LGALS9B: variants seen among roughly 807,000 people sequenced by gnomAD.
LGALS9B encodes galectin 9B.
A neutral mutation model predicts 35.9 loss-of-function variants in LGALS9B; 8 were observed. That is an observed-to-expected ratio of 0.22 (90% CI 0.13 to 0.40). LGALS9B has a LOEUF of 0.40. Ranked by LOEUF, LGALS9B falls within the 10% of genes least tolerant of loss-of-function variation. The probability of loss-of-function intolerance (pLI) is 1.00; values close to 1 mark genes in which losing one functional copy is unlikely to be tolerated. For missense variants in LGALS9B, 101 were observed against 397.9 expected (o/e 0.25, Z 6.35); for synonymous variants, 42 against 148.6 (o/e 0.28, Z 5.22).
intron 1 of LGALS9B, among the ~76,000 whole-genome samples, chr17:20,464,775 G>A (rs1346005758): frequency 6.6e-6 from 1 of 151,754 alleles, no homozygotes; most frequent in Non-Finnish European, 1.5e-5. Flanking sequence ...CAAGTCACTT[G>A]ACCTGCCTGT....
At position 20,461,144 on chromosome 17, in the gene LGALS9B, G is replaced by A. The variant is rs575077557; in HGVS notation, c.40-701C>T. Among the ~76,000 whole-genome samples the A allele has an allele frequency of 2.0e-5, 3 of 150,022 alleles. No individual in the cohort carries two copies. In the East Asian group the frequency reaches 5.9e-4, roughly 30 times the overall value. On this transcript the variant is annotated intron_variant, in intron 1 of 10. Transcript: ENST00000423676. The stretch of plus-strand genomic sequence containing the variant: ...CACTTTGTCAAATTCTCTCTTCCGC[G>A]CCTCTTTAAAGGAGCTATGGGCCAT...
chr17:20,467,057 A>C (rs1314091118), intron 1 of LGALS9B, among the ~76,000 whole-genome samples: 166 of 142,394 alleles, frequency 1.2e-3, no homozygotes, highest in Middle Eastern at 7.2e-3. Flanking sequence ...GGACCCAGGG[A>C]GGCCAACTCC....
At chr17:20,456,216 G>T (rs1264180351) in intron 4 of LGALS9B, among the ~76,000 whole-genome samples, 1 of 151,672 alleles carries the variant, frequency 6.6e-6, no homozygotes, top group Non-Finnish European at 1.5e-5. Flanking sequence ...GCTTGTCTAA[G>T]ATCCCACAGA....
intron 1 of LGALS9B, among the ~76,000 whole-genome samples, chr17:20,461,142 G>A (rs901637817): frequency 4.0e-5 from 6 of 149,664 alleles, no homozygotes; most frequent in South Asian, 2.2e-4. Flanking sequence ...TCTCTCTTCC[G>A]CGCCTCTTTA....
At chr17:20,465,978 T>A (rs112243000) in intron 1 of LGALS9B, among the ~76,000 whole-genome samples, 16,890 of 146,834 alleles carry the variant, frequency 0.12, 940 homozygotes, top group Admixed American at 0.14. Context: ...GCTTTAACTC[T>A]CTCAAACTCT....
intron 5 of LGALS9B, among the ~76,000 whole-genome samples, chr17:20,454,524 G>A (rs1355692603): frequency 3.3e-5 from 5 of 151,564 alleles, no homozygotes; most frequent in Non-Finnish European, 7.4e-5. Flanking sequence ...GGGCCTCATG[G>A]GCATAGGGAG....
Position 20,458,281 on chromosome 17 carries a change from T to C in LGALS9B, c.235A>G (p.Lys79Glu). ...CTCTCCTCGGGCCCCCATCTTCCTT[T>C]CTGCCTCGTGTTGCACACCACATAC... Reference protein sequence around the residue: ...GGYVVCNTRQKGRWGPEERKM... With the variant: ...GGYVVCNTRQEGRWGPEERKM... The change falls in exon 3 of 11, where the codon AAA becomes GAA. Residue 79 changes from lysine (K) to glutamate (E), a missense_variant. Lys to Glu is a moderately conservative substitution (Grantham distance 56). Coordinates refer to ENST00000423676, the MANE Select transcript of LGALS9B (RefSeq NM_001367292.2). 1 of 1,614,006 alleles carries C rather than the reference T, an allele frequency of 6.2e-7. No individual in the cohort carries two copies. Among genetic ancestry groups the C allele is most frequent in the African/African-American group, 1.3e-5 (1 of 74,990 alleles).
intron 1 of LGALS9B, among the ~76,000 whole-genome samples, 181 bp downstream of exon 1, chr17:20,467,251 G>C (rs1226169702): frequency 6.8e-6 from 1 of 146,408 alleles, no homozygotes; most frequent in Non-Finnish European, 1.5e-5. Context: ...CTCCAGGCAT[G>C]AGTGAGCTCA....
intron 1 of LGALS9B, among the ~76,000 whole-genome samples, chr17:20,467,105 C>T (rs992775975): frequency 7.0e-6 from 1 of 143,880 alleles, no homozygotes; most frequent in African/African-American, 2.7e-5. Context: ...GGGTAGCATC[C>T]TTACTGTCCC....
At chr17:20,450,887 G>A (rs1229126418) in intron 10 of LGALS9B, among the ~76,000 whole-genome samples, 5 of 152,116 alleles carry the variant, frequency 3.3e-5, no homozygotes, top group East Asian at 1.9e-4. Flanking sequence ...TAGTCAGGGC[G>A]GAGCACGCCT....
At chr17:20,461,791 A>AT (rs1171321148) in intron 1 of LGALS9B, among the ~76,000 whole-genome samples, 1,744 of 55,890 alleles carry the variant, frequency 0.031, 218 homozygotes, top group Middle Eastern at 0.048. Context: ...AGAAACCTGA[A>AT]TTTTTTTTTT....
At position 20,454,115 on chromosome 17, in the gene LGALS9B, GTC is replaced by G. The variant is rs1450752525; in HGVS notation, c.541-510_541-509del. ...CAAATCCAAAATGGCAGCCAATTCTGTCTGACTGCATCCAGCACACTTTCTGT... is the reference window on the plus strand; with the variant it reads ...CAAATCCAAAATGGCAGCCAATTCTGTGACTGCATCCAGCACACTTTCTGT... On this transcript the variant is annotated intron_variant, in intron 5 of 10. Transcript: ENST00000423676. Among the ~76,000 whole-genome samples, 2 of 128,648 alleles carry G rather than the reference GTC, an allele frequency of 1.6e-5. 1 individual carries two copies. The highest frequency in any genetic ancestry group is 3.7e-5 in the Non-Finnish European group (2 of 54,176). The allele number at this position is 128,648 out of a possible 152,430, so 84.4% of individuals were successfully genotyped here.
In LGALS9B at chr17:20,449,895, G is replaced by C. The variant is rs1490907872; in HGVS notation, c.*78C>G. 2 of 969,730 alleles carry C rather than the reference G, an allele frequency of 2.1e-6. 1 individual carries two copies. Among genetic ancestry groups the C allele is most frequent in the Non-Finnish European group, 3.1e-6 (2 of 654,412 alleles). The allele number at this position is 969,730 out of a possible 1,614,324, so 60.1% of individuals were successfully genotyped here. Reference sequence around the variant, plus strand: ...GATCCCAGGCACGGTTGGAAAGGCTGGGCCTGGGAAGTGGGGATGATGAGA... The same window carrying C: ...GATCCCAGGCACGGTTGGAAAGGCTCGGCCTGGGAAGTGGGGATGATGAGA... On this transcript the variant is annotated 3_prime_UTR_variant, in exon 11 of 11. Transcript: ENST00000423676.
intron 1 of LGALS9B, among the ~76,000 whole-genome samples, chr17:20,466,862 C>T (rs540554327): frequency 6.9e-6 from 1 of 145,162 alleles, no homozygotes; most frequent in African/African-American, 2.8e-5. Flanking sequence ...TCCCTGCTGC[C>T]CCCAGACTCC....
chr17:20,449,418 ATTTC>A lies in LGALS9B; in HGVS notation c.*551_*554del, dbSNP rs1170282705. Reference sequence around the variant, plus strand: ...CATGAATGTGCCAACAAGCATTTTCATTTCTTTATTTTAAGGACACTGGGAAAGG... The same window carrying A: ...CATGAATGTGCCAACAAGCATTTTCATTTATTTTAAGGACACTGGGAAAGG... On this transcript the variant is annotated 3_prime_UTR_variant, in exon 11 of 11. Coordinates refer to ENST00000423676, the MANE Select transcript of LGALS9B (RefSeq NM_001367292.2). 6.6e-6 allele frequency: 1 copy of A among 151,622 alleles called. No individual in the cohort carries two copies. Among genetic ancestry groups the A allele is most frequent in the East Asian group, 1.9e-4 (1 of 5,148 alleles). The allele number at this position is 151,622 out of a possible 1,614,324, so 9.4% of individuals were successfully genotyped here.
intron 2 of LGALS9B, 118 bp from the exon 3 acceptor site, chr17:20,458,502 G>A: frequency 1.4e-6 from 2 of 1,473,614 alleles, no homozygotes; most frequent in Non-Finnish European, 1.9e-6. Context: ...CAACCTGCGT[G>A]GCAGAGACTG....
chr17:20,464,103 T>G lies in LGALS9B; in HGVS notation c.39+3329A>C, dbSNP rs1456956133. Among the ~76,000 whole-genome samples, 6 of 123,430 alleles carry G rather than the reference T, an allele frequency of 4.9e-5. 2 individuals are homozygous for G. The highest frequency in any genetic ancestry group is 8.4e-5 in the Non-Finnish European group (5 of 59,698). 81.0% of individuals were successfully genotyped at this position (123,430 alleles called of 152,430 possible). A position where few individuals can be genotyped will look rare whatever the true frequency, so the allele number is the denominator to read the frequency against. On this transcript the variant is annotated intron_variant, in intron 1 of 10. Transcript: ENST00000423676. ...TTGTTTGTTTGTTGTGTTTTTTTTT[T>G]TTTTTTTTTTTTGAGACAGGATCTC...
intron 1 of LGALS9B, among the ~76,000 whole-genome samples, chr17:20,461,750 T>C (rs1311460847): frequency 2.6e-5 from 2 of 77,124 alleles, no homozygotes; most frequent in Non-Finnish European, 5.5e-5. Flanking sequence ...GGCTTAGTAT[T>C]GGCAGAACTT....
intron 5 of LGALS9B, among the ~76,000 whole-genome samples, chr17:20,454,213 CTCCACCAG>C (rs1416765499): frequency 1.5e-5 from 2 of 132,030 alleles, no homozygotes; most frequent in Non-Finnish European, 3.6e-5. Flanking sequence ...TTCCCTGGGG[CTCCACCAG>C]TCCTGAAGTC....
Sources: gnomAD v4.1 joint callset for allele counts (sites outside exome capture counted in the v4.1 genomes callset) on GRCh38, gnomAD v4.1.1 for gene constraint, MANE v1.5 for transcripts, NCBI Gene and HGNC (gene_info 2026-07-23, HGNC 2026-07-21) for gene names.